Variants in RFWD3 observed in about 807,000 individuals in gnomAD.
RFWD3 encodes E3 ubiquitin-protein ligase RFWD3.
A neutral mutation model predicts 87.7 loss-of-function variants in RFWD3; 65 were observed. The observed-to-expected ratio is 0.74, with a 90% confidence interval of 0.61 to 0.91. RFWD3 has a LOEUF of 0.91. Among genes scored for constraint, RFWD3 ranks in the 40% least tolerant of loss-of-function variants. The probability of loss-of-function intolerance (pLI) is 0.00; values close to 1 mark genes in which losing one functional copy is unlikely to be tolerated. For synonymous variants in RFWD3, 433 were observed against 352.8 expected, an observed-to-expected ratio of 1.23 and a Z score of -2.55; for missense variants, 1,078 against 938.5, an observed-to-expected ratio of 1.15 and a Z score of -1.94.
chr16:74,653,659 A>T (rs1421442104), intron 2 of RFWD3, among the ~76,000 whole-genome samples: 4 of 152,232 alleles, frequency 2.6e-5, no homozygotes, highest in African/African-American at 9.6e-5. Flanking sequence ...TTAAAAAAAA[A>T]TTTAAAACAA....
rs1958833409 is a variant in RFWD3 at position 74,623,709 on chromosome 16, T to C, written c.*219A>G. Reference sequence around the variant, plus strand: ...CTTTAAACCCAAGAAATGGATAATGTAGATAAAGTACCCATCAATTACTCT... The same window carrying C: ...CTTTAAACCCAAGAAATGGATAATGCAGATAAAGTACCCATCAATTACTCT... On this transcript the variant is annotated 3_prime_UTR_variant, in exon 13 of 13. Coordinates refer to ENST00000361070, the MANE Select transcript of RFWD3 (RefSeq NM_018124.4). 4 of 482,204 alleles carry C rather than the reference T, an allele frequency of 8.3e-6. No individual in the cohort carries two copies. Among genetic ancestry groups the C allele is most frequent in the African/African-American group, 2.0e-5 (1 of 50,868 alleles). 29.9% of individuals were successfully genotyped at this position (482,204 alleles called of 1,614,324 possible).
At chr16:74,634,729 G>A (rs950476834) in intron 8 of RFWD3, among the ~76,000 whole-genome samples, 1 of 150,302 alleles carries the variant, frequency 6.7e-6, no homozygotes, top group Non-Finnish European at 1.5e-5. Context: ...CTAGATTCAA[G>A]ATAGCTTCAG....
chr16:74,624,027 G>A lies in RFWD3; in HGVS notation c.2226C>T (p.Thr742=), dbSNP rs145714627. Residue 742 remains threonine, a synonymous_variant, in exon 13 of 13, where the codon ACC becomes ACT. Transcript: ENST00000361070. ...GGCAGATGTCCAACACAGGCTGATC[G>A]GTCTGTAGGTCCTGGAGCAACGAGC... ...ASGSLLQDLQ[T]DQPVLDICPF... 5.0e-5 allele frequency: 81 copies of A among 1,613,814 alleles called. No homozygotes were observed. Among genetic ancestry groups the A allele is most frequent in the Middle Eastern group, 1.6e-4 (1 of 6,084 alleles).
intron 10 of RFWD3, among the ~76,000 whole-genome samples, chr16:74,630,006 C>G (rs1959041863): frequency 6.6e-6 from 1 of 152,280 alleles, no homozygotes; most frequent in Admixed American, 6.5e-5. Context: ...TATCTTCAAA[C>G]AAGTTGGTTT....
intron 1 of RFWD3, among the ~76,000 whole-genome samples, chr16:74,665,617 G>C (rs1264702371): frequency 1.3e-5 from 2 of 152,106 alleles, no homozygotes; most frequent in Non-Finnish European, 2.9e-5. Flanking sequence ...CAATGAGCCG[G>C]GCGTGGTGGC....
chr16:74,641,293 G>T (rs1453115455), intron 6 of RFWD3, among the ~76,000 whole-genome samples: 3 of 152,154 alleles, frequency 2.0e-5, no homozygotes, highest in African/African-American at 7.2e-5. Context: ...CTCCCGAGTA[G>T]CTGGGACTAC....
At chr16:74,626,908 T>C (rs1958956718) in intron 11 of RFWD3, among the ~76,000 whole-genome samples, 1 of 152,186 alleles carries the variant, frequency 6.6e-6, no homozygotes, top group Non-Finnish European at 1.5e-5. Flanking sequence ...AAAAGGTTTT[T>C]CCCTTCCCCC....
At chr16:74,635,047 G>A (rs758124847) in intron 8 of RFWD3, among the ~76,000 whole-genome samples, 4 of 152,082 alleles carry the variant, frequency 2.6e-5, no homozygotes, top group Admixed American at 1.3e-4. Flanking sequence ...TTGGGAGGCC[G>A]AGGCGGGCGG....
At position 74,637,863 on chromosome 16, in the gene RFWD3, C is replaced by T. The variant is rs757213550; in HGVS notation, c.1187G>A (p.Arg396His). ...TAGAAAGGACAAACGTACCTGAACA[C>T]GCCTTTGAAGCCTAGTGCACTTATC... ...LTDKCTRLQR[R>H]VQDLQKLTSH... Residue 396 changes from arginine (R) to histidine (H), a missense_variant, in exon 7 of 13, where the codon CGT becomes CAT. By Grantham distance (29) the Arg-to-His change is conservative (BLOSUM62 0). Transcript: ENST00000361070. 1 of 1,611,324 alleles carries T rather than the reference C, an allele frequency of 6.2e-7. No individual in the cohort carries two copies. The highest frequency in any genetic ancestry group is 8.5e-7 in the Non-Finnish European group (1 of 1,178,542).
chr16:74,654,965 G>A (rs894227762), intron 2 of RFWD3, among the ~76,000 whole-genome samples: 1 of 152,212 alleles, frequency 6.6e-6, no homozygotes, highest in African/African-American at 2.4e-5. Context: ...GCTGGTTCAT[G>A]AGGTTTAAGA....
Position 74,636,566 on chromosome 16 carries a change from T to C in RFWD3, c.1206A>G (p.Lys402=). The change falls in exon 8 of 13, where the codon AAA becomes AAG. Residue 402 remains lysine, a synonymous_variant. Transcript: ENST00000361070. ...RLQRRVQDLQ[K]LTSHQSQNLQ... ...AATTCTGACTTTGATGTGACGTAAG[T>C]TTTTGCAAGTCCTAAAATGAAAAAG... 6.2e-7 allele frequency: 1 copy of C among 1,612,166 alleles called. No individual in the cohort carries two copies. Among genetic ancestry groups the C allele is most frequent in the Non-Finnish European group, 8.5e-7 (1 of 1,178,900 alleles).
At chr16:74,657,472 C>CT (rs748644319) in intron 2 of RFWD3, among the ~76,000 whole-genome samples, 1 of 92,546 alleles carries the variant, frequency 1.1e-5, no homozygotes, top group Non-Finnish European at 2.1e-5. Context: ...CCCAGGTTTT[C>CT]TTTTTCTTTT....
intron 4 of RFWD3, 58 bp downstream of exon 4, chr16:74,649,074 A>C (rs894390741): frequency 8.6e-7 from 1 of 1,161,030 alleles, no homozygotes; most frequent in Non-Finnish European, 1.2e-6. Context: ...AGTGAGACCT[A>C]GTCTCTAAAA....
chr16:74,653,477 G>C (rs1392431583), intron 2 of RFWD3, among the ~76,000 whole-genome samples: 2 of 150,586 alleles, frequency 1.3e-5, no homozygotes, highest in Admixed American at 6.7e-5. Flanking sequence ...TGGCAAGAGA[G>C]AGACTCCATC....
Position 74,659,510 on chromosome 16 carries a change from G to A in RFWD3, c.518+1422C>T, listed in dbSNP as rs141177297. On this transcript the variant is annotated intron_variant, in intron 2 of 12. Coordinates refer to ENST00000361070, the MANE Select transcript of RFWD3 (RefSeq NM_018124.4). Reference sequence around the variant, plus strand: ...CTTAGGAGGCTGAGGCACAAGAATCGCTTGAACCCGGGAGCCAGAGGTCCT... The same window carrying A: ...CTTAGGAGGCTGAGGCACAAGAATCACTTGAACCCGGGAGCCAGAGGTCCT... Among the ~76,000 whole-genome samples the A allele has an allele frequency of 6.6e-3, 1,011 of 152,118 alleles. 6 individuals carry two copies. The highest frequency in any genetic ancestry group is 0.011 in the Non-Finnish European group (750 of 68,000).
chr16:74,632,457 G>T, intron 9 of RFWD3, 66 bp downstream of exon 9: 2 of 1,527,204 alleles, frequency 1.3e-6, no homozygotes, highest in Non-Finnish European at 9.0e-7. Context: ...TCATAACACC[G>T]ATACGAATTC....
Position 74,636,406 on chromosome 16 carries a change from A to G in RFWD3, c.1366T>C (p.Cys456Arg), listed in dbSNP as rs1430860820. ...ATCACCAGGCAGCTCAGAGCATCAC[A>G]GTATGCCATGATCCGGCAGTTTCCT... is the stretch of plus-strand genomic sequence containing the variant. The part of the protein sequence containing the change: ...QAGNCRIMAY[C>R]DALSCLVISQ... The change falls in exon 8 of 13, where the codon TGT becomes CGT. Residue 456 changes from cysteine to arginine, a missense_variant. Physicochemically the swap from Cys to Arg is radical, Grantham distance 180. Transcript: ENST00000361070. 6.2e-7 allele frequency: 1 copy of G among 1,614,220 alleles called. No homozygotes were observed. Among genetic ancestry groups the G allele is most frequent in the Non-Finnish European group, 8.5e-7 (1 of 1,180,028 alleles).
intron 3 of RFWD3, among the ~76,000 whole-genome samples, chr16:74,651,222 G>A (rs536695571): frequency 3.9e-5 from 6 of 152,270 alleles, no homozygotes; most frequent in African/African-American, 9.6e-5. Flanking sequence ...CTCTGCCTAC[G>A]ACTATTAAAT....
chr16:74,641,551 A>T (rs1343000115), intron 6 of RFWD3, among the ~76,000 whole-genome samples: 1 of 152,116 alleles, frequency 6.6e-6, no homozygotes. Context: ...ACTAGGATAT[A>T]CTCCCAAAGC....
Sources: allele counts gnomAD v4.1 joint callset (sites outside exome capture counted in the v4.1 genomes callset), GRCh38; gene constraint gnomAD v4.1.1; transcripts MANE v1.5; gene names NCBI Gene and HGNC (gene_info 2026-07-23, HGNC 2026-07-21).